Variants in DMC1 observed in about 807,000 individuals in gnomAD.
The protein encoded by DMC1 is DNA meiotic recombinase 1, also known as meiotic recombination protein DMC1 homolog.
Under a neutral mutation model 50.1 loss-of-function variants are expected in DMC1, and 27 were observed. That is an observed-to-expected ratio of 0.54 (90% confidence interval 0.40 to 0.74). The LOEUF is 0.74. Among genes scored for constraint, DMC1 ranks in the 30% least tolerant of loss-of-function variants. The pLI is 0.00. For missense variants in DMC1, 295 were observed against 420.2 expected (o/e 0.70, Z 2.60); for synonymous variants, 148 against 136.1 (o/e 1.09, Z -0.61).
At chr22:38,523,351 T>A (rs993445764) in intron 12 of DMC1, among the ~76,000 whole-genome samples, 1 of 152,198 alleles carries the variant, frequency 6.6e-6, no homozygotes, top group South Asian at 2.1e-4. Flanking sequence ...ACTTTTCAGG[T>A]CACCCTACCT....
At chr22:38,512,112 G>A in the DMC1 span, among the ~76,000 whole-genome samples, 1 of 151,978 alleles carries the variant, frequency 6.6e-6, no homozygotes, top group African/African-American at 2.4e-5. Flanking sequence ...GTAACTGGGA[G>A]TACAGGCGCA....
At chr22:38,509,277 G>T in the DMC1 span, among the ~76,000 whole-genome samples, 1 of 151,892 alleles carries the variant, frequency 6.6e-6, no homozygotes, top group Non-Finnish European at 1.5e-5. Flanking sequence ...TCGGTATTAG[G>T]CCCAGCATCC....
chr22:38,547,893 C>T (rs1321864821), intron 8 of DMC1, among the ~76,000 whole-genome samples: 2 of 152,166 alleles, frequency 1.3e-5, no homozygotes, highest in Non-Finnish European at 2.9e-5. Context: ...TGTTTGTTTA[C>T]ATAAAGCTTC....
chr22:38,511,571 CAG>C, the DMC1 span, among the ~76,000 whole-genome samples: 1 of 152,052 alleles, frequency 6.6e-6, no homozygotes, highest in Non-Finnish European at 1.5e-5. Context: ...GCCTGGGTGA[CAG>C]AGAGAGACCC....
downstream of DMC1, among the ~76,000 whole-genome samples, chr22:38,515,814 ATAAAC>A (rs1364178480): frequency 2.0e-5 from 3 of 152,070 alleles, no homozygotes; most frequent in East Asian, 5.8e-4. Flanking sequence ...CAATCAATAA[ATAAAC>A]AAACAAACTT....
intron 12 of DMC1, among the ~76,000 whole-genome samples, chr22:38,523,051 C>G (rs764570384): frequency 6.6e-6 from 1 of 152,174 alleles, no homozygotes; most frequent in African/African-American, 2.4e-5. Context: ...AGAGGCTAGC[C>G]TGGGCACCAT....
intron 8 of DMC1, among the ~76,000 whole-genome samples, chr22:38,539,898 TTCAC>T (rs1380723333): frequency 1.3e-5 from 2 of 152,216 alleles, no homozygotes; most frequent in African/African-American, 4.8e-5. Flanking sequence ...AGTGAATTAA[TTCAC>T]TCTCTTCATA....
chr22:38,569,278 G>A (rs2090613507), intron 1 of DMC1: 1 of 152,016 alleles, frequency 6.6e-6, no homozygotes, highest in African/African-American at 2.4e-5. Flanking sequence ...AGAAATCTCA[G>A]GAATCCACAA....
chr22:38,538,130 C>T (rs1047197870), intron 11 of DMC1, among the ~76,000 whole-genome samples, 165 bp downstream of exon 11: 1 of 151,328 alleles, frequency 6.6e-6, no homozygotes, highest in Non-Finnish European at 1.5e-5. Context: ...GGCAACAGAG[C>T]GAGATACCAT....
chr22:38,524,016 G>A (rs2090059410), intron 12 of DMC1, among the ~76,000 whole-genome samples: 1 of 152,202 alleles, frequency 6.6e-6, no homozygotes, highest in Admixed American at 6.6e-5. Context: ...ATTCTCCTGT[G>A]TGAGCATGGT....
At chr22:38,552,179 A>T (rs746820224) in intron 7 of DMC1, among the ~76,000 whole-genome samples, 1 of 151,970 alleles carries the variant, frequency 6.6e-6, no homozygotes, top group African/African-American at 2.4e-5. Flanking sequence ...TTTCTTAACC[A>T]CTTTGCCAAG....
chr22:38,536,847 C>T (rs2090218534), intron 12 of DMC1, among the ~76,000 whole-genome samples: 1 of 151,874 alleles, frequency 6.6e-6, no homozygotes, highest in Admixed American at 6.6e-5. Context: ...ATACACTGTG[C>T]AATAAAGTGA....
the DMC1 span, among the ~76,000 whole-genome samples, chr22:38,509,303 C>T: frequency 3.3e-5 from 5 of 152,292 alleles, no homozygotes; most frequent in South Asian, 2.1e-4. Context: ...CTATTCTTCT[C>T]GATGCTCTCC....
the DMC1 span, among the ~76,000 whole-genome samples, chr22:38,509,840 T>A: frequency 6.6e-6 from 1 of 152,088 alleles, no homozygotes; most frequent in Non-Finnish European, 1.5e-5. Context: ...AATTTTTATA[T>A]TTTTTAGTAG....
At chr22:38,536,777 T>C (rs918739028) in intron 12 of DMC1, among the ~76,000 whole-genome samples, 3 of 152,164 alleles carry the variant, frequency 2.0e-5, no homozygotes, top group African/African-American at 7.2e-5. Context: ...CTTTATTCTA[T>C]AAAGAACTAG....
intron 12 of DMC1, among the ~76,000 whole-genome samples, chr22:38,528,603 G>A (rs1185856137): frequency 2.0e-5 from 3 of 151,804 alleles, no homozygotes; most frequent in East Asian, 4.0e-4. Context: ...GCTGACAACA[G>A]GGTGAAACCC....
chr22:38,550,395 T>C (rs1312001248), intron 7 of DMC1, among the ~76,000 whole-genome samples: 1 of 148,088 alleles, frequency 6.8e-6, no homozygotes, highest in African/African-American at 2.5e-5. Context: ...CTCACTGCAA[T>C]CTCCGCCTCC....
chr22:38,556,859 A>T (rs1394856330), intron 5 of DMC1, among the ~76,000 whole-genome samples: 1 of 152,206 alleles, frequency 6.6e-6, no homozygotes, highest in East Asian at 1.9e-4. Flanking sequence ...AAATTGAAAC[A>T]ATGTTGGAAG....
At chr22:38,531,460 T>C (rs2090150898) in intron 12 of DMC1, among the ~76,000 whole-genome samples, 1 of 152,188 alleles carries the variant, frequency 6.6e-6, no homozygotes, top group African/African-American at 2.4e-5. Context: ...ATACCAATTA[T>C]AGTGATAGTT....
Sources: gnomAD v4.1 joint callset for allele counts (sites outside exome capture counted in the v4.1 genomes callset) on GRCh38, gnomAD v4.1.1 for gene constraint, MANE v1.5 for transcripts, NCBI Gene and HGNC (gene_info 2026-07-23, HGNC 2026-07-21) for gene names.